Variants in SLC25A13 observed in about 807,000 individuals in gnomAD.
The protein encoded by SLC25A13 is electrogenic aspartate/glutamate antiporter SLC25A13, mitochondrial.
SLC25A13 carries 70 observed loss-of-function variants against 85.5 expected under a neutral mutation model. The ratio of observed to expected loss-of-function variants is 0.82; its 90% CI spans 0.68 to 1.00. SLC25A13 has a LOEUF of 1.00. Among genes scored for constraint, SLC25A13 ranks in the 50% least tolerant of loss-of-function variants. SLC25A13 has a pLI of 0.00. For synonymous variants in SLC25A13, 259 were observed against 288.7 expected (o/e 0.90, Z 1.04); for missense variants, 765 against 819.8 (o/e 0.93, Z 0.82).
At chr7:96,265,746 A>T (rs1798023476) in intron 3 of SLC25A13, among the ~76,000 whole-genome samples, 1 of 152,190 alleles carries the variant, frequency 6.6e-6, no homozygotes, top group East Asian at 1.9e-4. Flanking sequence ...TATTCTGTTC[A>T]GGTTATTATA....
At chr7:96,150,492 T>C (rs555997302) in intron 13 of SLC25A13, among the ~76,000 whole-genome samples, 9 of 152,326 alleles carry the variant, frequency 5.9e-5, no homozygotes, top group African/African-American at 1.9e-4. Flanking sequence ...GGCTGAACTG[T>C]GTTCTACCAA....
intron 5 of SLC25A13, among the ~76,000 whole-genome samples, chr7:96,196,236 T>A (rs1795056567): frequency 6.6e-6 from 1 of 152,224 alleles, no homozygotes; most frequent in Admixed American, 6.5e-5. Context: ...CAATTGAAAG[T>A]AAATGAACAG....
At chr7:96,232,145 G>A (rs550281494) in intron 4 of SLC25A13, among the ~76,000 whole-genome samples, 8 of 152,202 alleles carry the variant, frequency 5.3e-5, no homozygotes, top group South Asian at 4.1e-4. Flanking sequence ...TATGTTCACC[G>A]TAGCACTATT....
At chr7:96,260,299 G>C (rs538014853) in intron 3 of SLC25A13, among the ~76,000 whole-genome samples, 1 of 151,968 alleles carries the variant, frequency 6.6e-6, no homozygotes, top group East Asian at 1.9e-4. Flanking sequence ...CAGAAACAAG[G>C]AAGCTACCAA....
chr7:96,215,393 C>G (rs1795856541), intron 4 of SLC25A13, among the ~76,000 whole-genome samples: 1 of 152,136 alleles, frequency 6.6e-6, no homozygotes, highest in Non-Finnish European at 1.5e-5. Flanking sequence ...CCACGCCTGG[C>G]ACGAATTTGG....
intron 5 of SLC25A13, among the ~76,000 whole-genome samples, chr7:96,194,606 C>G (rs529109481): frequency 4.6e-5 from 7 of 151,866 alleles, no homozygotes; most frequent in African/African-American, 1.7e-4. Flanking sequence ...AAATAATTGT[C>G]CTTATGAATT....
intron 4 of SLC25A13, among the ~76,000 whole-genome samples, chr7:96,217,934 A>G (rs1482031031): frequency 1.3e-5 from 2 of 150,660 alleles, no homozygotes; most frequent in East Asian, 3.9e-4. Context: ...TAGAACTGTC[A>G]GAGATCTGCC....
intron 11 of SLC25A13, among the ~76,000 whole-genome samples, chr7:96,175,754 A>G (rs1338642149): frequency 6.6e-6 from 1 of 152,252 alleles, no homozygotes; most frequent in East Asian, 1.9e-4. Flanking sequence ...AGGCAGGTGA[A>G]GGATAGTTTG....
At chr7:96,147,207 G>A (rs1214882983) in intron 13 of SLC25A13, among the ~76,000 whole-genome samples, 3 of 152,130 alleles carry the variant, frequency 2.0e-5, no homozygotes, top group Non-Finnish European at 2.9e-5. Flanking sequence ...AACTGCCAGC[G>A]AACACGTAAA....
chr7:96,189,720 C>A, intron 7 of SLC25A13, 46 bp from the exon 8 acceptor site: 2 of 1,497,802 alleles, frequency 1.3e-6, no homozygotes, highest in Non-Finnish European at 1.9e-6. Flanking sequence ...GAAGAAATAG[C>A]CACTAAATTC....
rs1232814327 is a variant in SLC25A13 at position 96,121,253 on chromosome 7, G to T, written c.1966C>A (p.Leu656Ile). ...TFAGIENKFG[L>I]YLPLFKPSVS... ...GATGGCTTGAAGAGAGGTAGGTAAAGTCCAAATTTGTTTTCAATCCCTGCA... is the reference window on the plus strand; with the variant it reads ...GATGGCTTGAAGAGAGGTAGGTAAATTCCAAATTTGTTTTCAATCCCTGCA... The change falls in exon 18 of 18, where the codon CTT (leucine) becomes ATT (isoleucine). Residue 656 changes from leucine (L) to isoleucine (I), a missense_variant. Leu to Ile is a conservative substitution (Grantham distance 5). Transcript: ENST00000265631. 3.7e-6 allele frequency: 6 copies of T among 1,614,160 alleles called. No individual in the cohort carries two copies. Among genetic ancestry groups the T allele is most frequent in the Non-Finnish European group, 5.1e-6 (6 of 1,180,024 alleles).
intron 1 of SLC25A13, among the ~76,000 whole-genome samples, chr7:96,312,433 G>C (rs528164238): frequency 2.0e-5 from 3 of 152,152 alleles, no homozygotes; most frequent in South Asian, 4.2e-4. Context: ...TAACCTTTTT[G>C]AGCCTTAGGT....
intron 3 of SLC25A13, among the ~76,000 whole-genome samples, 161 bp from the exon 4 acceptor site, chr7:96,235,078 G>T (rs1042558348): frequency 3.9e-5 from 6 of 152,122 alleles, no homozygotes. Context: ...ACATATAGTG[G>T]ACTGAAATAA....
chr7:96,169,974 C>T, intron 13 of SLC25A13, 71 bp downstream of exon 13: 2 of 1,456,166 alleles, frequency 1.4e-6, no homozygotes, highest in Non-Finnish European at 1.9e-6. Context: ...TAGTCCACAC[C>T]TGTTGACCAT....
At chr7:96,318,582 A>G (rs1237116021) in intron 1 of SLC25A13, among the ~76,000 whole-genome samples, 1 of 152,246 alleles carries the variant, frequency 6.6e-6, no homozygotes, top group Admixed American at 6.5e-5. Flanking sequence ...CACTTCTTGA[A>G]CCATTAACTA....
At chr7:96,154,380 T>C (rs540207964) in intron 13 of SLC25A13, among the ~76,000 whole-genome samples, 182 of 146,706 alleles carry the variant, frequency 1.2e-3, no homozygotes, top group Non-Finnish European at 1.9e-3. Context: ...CACTGCAAAC[T>C]CCATCTCCCA....
intron 1 of SLC25A13, among the ~76,000 whole-genome samples, chr7:96,306,451 G>C (rs1799746786): frequency 6.6e-6 from 1 of 152,204 alleles, no homozygotes; most frequent in South Asian, 2.1e-4. Flanking sequence ...AGAGAGCCTT[G>C]GGCCTGTGTG....
At chr7:96,123,564 A>G (rs1348807337) in intron 15 of SLC25A13, among the ~76,000 whole-genome samples, 1 of 152,222 alleles carries the variant, frequency 6.6e-6, no homozygotes, top group Non-Finnish European at 1.5e-5. Context: ...GACACCTAGT[A>G]AGTTGCCTGG....
At chr7:96,174,150 G>A (rs935458239) in intron 11 of SLC25A13, among the ~76,000 whole-genome samples, 1 of 152,148 alleles carries the variant, frequency 6.6e-6, no homozygotes, top group Admixed American at 6.6e-5. Flanking sequence ...ATCACCTTTG[G>A]GTCCCACTGA....
Sources: gnomAD v4.1 joint callset for allele counts (sites outside exome capture counted in the v4.1 genomes callset) on GRCh38, gnomAD v4.1.1 for gene constraint, MANE v1.5 for transcripts, NCBI Gene and HGNC (gene_info 2026-07-23, HGNC 2026-07-21) for gene names.